LARP1: variants seen among roughly 807,000 people sequenced by gnomAD.
The protein encoded by LARP1 is la-related protein 1.
LARP1 carries 36 observed loss-of-function variants against 122.7 expected under a neutral mutation model. That is an observed-to-expected ratio of 0.29 (90% CI 0.22 to 0.39). The LOEUF is 0.39. Among genes scored for constraint, LARP1 ranks in the 10% least tolerant of loss-of-function variants. LARP1 has a pLI of 1.00. For missense variants in LARP1, 1,040 were observed against 1,403.6 expected, an observed-to-expected ratio of 0.74 and a Z score of 4.14; for synonymous variants, 539 against 528.7, an observed-to-expected ratio of 1.02 and a Z score of -0.27.
In LARP1 at chr5:154,795,895, TTTATATA is replaced by T. The variant is rs1216193331; in HGVS notation, c.1377+586_1377+592del. On this transcript the variant is annotated intron_variant, in intron 8 of 18. Coordinates refer to ENST00000518297, the MANE Select transcript of LARP1 (RefSeq NM_033551.3). The stretch of plus-strand genomic sequence containing the variant: ...TATATAAAATATACATTTATATATA[TTTATATA>T]TTATATATTTATTATATATTTATAT... Among the ~76,000 whole-genome samples the T allele has an allele frequency of 2.3e-5, 3 of 128,480 alleles. No homozygotes were observed. The East Asian group carries it at 6.1e-4, about 26-fold the overall frequency. 84.3% of individuals were successfully genotyped at this position (128,480 alleles called of 152,430 possible). A position where few individuals can be genotyped will look rare whatever the true frequency, so the allele number is the denominator to read the frequency against.
At chr5:154,720,903 T>G (rs1214907831) in intron 1 of LARP1, among the ~76,000 whole-genome samples, 1 of 152,012 alleles carries the variant, frequency 6.6e-6, no homozygotes, top group Non-Finnish European at 1.5e-5. Flanking sequence ...TGTCAAACAG[T>G]GGATGAGTTG....
rs777795651 is a variant in LARP1, at chr5:154,767,985, G to A, written c.436+11792G>A. On this transcript the variant is annotated intron_variant, in intron 1 of 18. Coordinates refer to ENST00000518297, the MANE Select transcript of LARP1 (RefSeq NM_033551.3). The stretch of plus-strand genomic sequence containing the variant: ...AAGAAGGAATGGTTGAAGAACTAGG[G>A]TTATTTTGCCCAGGGAATCAAAGCT... Among the ~76,000 whole-genome samples, 37 of 152,282 alleles carry A rather than the reference G, an allele frequency of 2.4e-4. No individual in the cohort carries two copies. In the Middle Eastern group the frequency reaches 0.014, roughly 56 times the overall value.
chr5:154,726,793 A>G (rs1756241472), intron 1 of LARP1, among the ~76,000 whole-genome samples: 1 of 152,230 alleles, frequency 6.6e-6, no homozygotes, highest in Non-Finnish European at 1.5e-5. Flanking sequence ...ACAGATCCAC[A>G]TGGCTGGGGA....
At chr5:154,726,691 C>T (rs1756234327) in intron 1 of LARP1, among the ~76,000 whole-genome samples, 3 of 152,088 alleles carry the variant, frequency 2.0e-5, no homozygotes, top group Admixed American at 1.3e-4. Context: ...AACCAGAAAG[C>T]CAGTAGAAAG....
At chr5:154,749,765 A>G (rs1443143756) in intron 1 of LARP1, among the ~76,000 whole-genome samples, 1 of 152,228 alleles carries the variant, frequency 6.6e-6, no homozygotes, top group Admixed American at 6.5e-5. Context: ...AGCAGAAGTA[A>G]GTGATTAGTG....
intron 1 of LARP1, among the ~76,000 whole-genome samples, chr5:154,697,684 A>G (rs983916799): frequency 6.6e-6 from 1 of 152,224 alleles, no homozygotes; most frequent in African/African-American, 2.4e-5. Context: ...TTATGATTCC[A>G]TTTATATGAA....
At chr5:154,697,717 A>G (rs1754528403) in intron 1 of LARP1, among the ~76,000 whole-genome samples, 1 of 152,248 alleles carries the variant, frequency 6.6e-6, no homozygotes, top group Non-Finnish European at 1.5e-5. Context: ...GCAAATTCAT[A>G]GAGACAGAAA....
intron 18 of LARP1, among the ~76,000 whole-genome samples, chr5:154,812,927 G>T (rs560396146): frequency 2.0e-5 from 3 of 152,126 alleles, no homozygotes; most frequent in African/African-American, 4.8e-5. Flanking sequence ...GGTCCCTCCC[G>T]CGACATGTGG....
intron 1 of LARP1, among the ~76,000 whole-genome samples, chr5:154,771,052 C>T (rs1207559109): frequency 1.3e-5 from 2 of 150,570 alleles, no homozygotes; most frequent in African/African-American, 4.9e-5. Context: ...GTGGAGGTTG[C>T]TGTGAGCCAA....
intron 1 of LARP1, chr5:154,756,617 A>G (rs1009112371): frequency 1.9e-6 from 1 of 525,036 alleles, no homozygotes. Context: ...GAGCGTCCCC[A>G]TGTTGTAAAT....
chr5:154,792,106 C>T (rs542045240), intron 3 of LARP1: 14 of 389,032 alleles, frequency 3.6e-5, no homozygotes, highest in South Asian at 1.3e-4. Context: ...CAAGCACCGA[C>T]CTCCAGACCA....
chr5:154,767,527 T>A (rs900030154), intron 1 of LARP1, among the ~76,000 whole-genome samples: 9 of 152,124 alleles, frequency 5.9e-5, no homozygotes, highest in Admixed American at 4.6e-4. Context: ...CAACTCCATA[T>A]TGAAGTGGAA....
chr5:154,706,113 C>G (rs530639335), intron 1 of LARP1, among the ~76,000 whole-genome samples: 9 of 151,730 alleles, frequency 5.9e-5, no homozygotes, highest in Non-Finnish European at 1.3e-4. Context: ...CTGGCCAACA[C>G]GGCGAAACCC....
intron 1 of LARP1, among the ~76,000 whole-genome samples, chr5:154,770,941 C>T (rs1356203678): frequency 3.3e-5 from 5 of 152,032 alleles, no homozygotes; most frequent in South Asian, 2.1e-4. Context: ...GGTGAAACCC[C>T]GTCTCTACAA....
chr5:154,770,720 G>T (rs1396989465), intron 1 of LARP1, among the ~76,000 whole-genome samples: 3 of 152,168 alleles, frequency 2.0e-5, no homozygotes, highest in African/African-American at 7.2e-5. Flanking sequence ...AGAGCAAGCT[G>T]CTGGAGCACA....
intron 1 of LARP1, among the ~76,000 whole-genome samples, chr5:154,746,122 AC>A (rs1753185870): frequency 1.3e-5 from 2 of 152,106 alleles, no homozygotes; most frequent in Admixed American, 1.3e-4. Flanking sequence ...TTGACATCAA[AC>A]CCTTTCCCCT....
Position 154,817,381 on chromosome 5 carries a change from A to G in LARP1, c.*3285A>G, listed in dbSNP as rs900410548. 2 of 152,648 alleles carry G rather than the reference A, an allele frequency of 1.3e-5. No homozygotes were observed. Among genetic ancestry groups the G allele is most frequent in the Non-Finnish European group, 2.9e-5 (2 of 68,034 alleles). 9.5% of individuals were successfully genotyped at this position (152,648 alleles called of 1,614,324 possible). On this transcript the variant is annotated 3_prime_UTR_variant, in exon 19 of 19. Coordinates refer to ENST00000518297, the MANE Select transcript of LARP1 (RefSeq NM_033551.3). ...TTCCACCTTACGCTCGTAGTACATT[A>G]TCTTTACTATGTGCTAGGATATCAT...
intron 1 of LARP1, among the ~76,000 whole-genome samples, chr5:154,746,251 C>T (rs1215200249): frequency 2.0e-5 from 3 of 152,012 alleles, no homozygotes; most frequent in South Asian, 4.1e-4. Flanking sequence ...TGTTTCCACA[C>T]TAGTCTCTAG....
chr5:154,808,051 A>T (rs1758933915), intron 15 of LARP1, among the ~76,000 whole-genome samples: 1 of 151,752 alleles, frequency 6.6e-6, no homozygotes, highest in Admixed American at 6.6e-5. Flanking sequence ...GCATTTTTTG[A>T]TATTACTGTT....
Sources: allele counts gnomAD v4.1 joint callset (sites outside exome capture counted in the v4.1 genomes callset), GRCh38; gene constraint gnomAD v4.1.1; transcripts MANE v1.5; gene names NCBI Gene and HGNC (gene_info 2026-07-23, HGNC 2026-07-21).